Variants in GPC5 observed in about 807,000 individuals in gnomAD.
GPC5 encodes glypican-5.
GPC5 carries 47 observed loss-of-function variants against 53.9 expected under a neutral mutation model. That is an observed-to-expected ratio of 0.87 (90% CI 0.69 to 1.11). The LOEUF is 1.11. Among genes scored for constraint, GPC5 ranks in the 50% most tolerant of loss-of-function variants. The pLI is 0.00. For missense variants in GPC5, 748 were observed against 713.1 expected (o/e 1.05, Z -0.56); for synonymous variants, 286 against 263.3 (o/e 1.09, Z -0.84).
chr13:92,120,120 A>T (rs1313908254), intron 6 of GPC5, among the ~76,000 whole-genome samples: 2 of 152,238 alleles, frequency 1.3e-5, no homozygotes, highest in Non-Finnish European at 2.9e-5. Context: ...ATTACTCATA[A>T]GAGGGAAGTA....
intron 7 of GPC5, among the ~76,000 whole-genome samples, chr13:92,475,167 A>G (rs929296754): frequency 6.6e-6 from 1 of 151,792 alleles, no homozygotes; most frequent in Non-Finnish European, 1.5e-5. Flanking sequence ...TTGGCTTAGG[A>G]TTGACTTGGC....
chr13:92,074,566 G>A (rs2041237882), intron 6 of GPC5, among the ~76,000 whole-genome samples: 2 of 152,232 alleles, frequency 1.3e-5, no homozygotes, highest in East Asian at 1.9e-4. Flanking sequence ...GTCTAAAAGT[G>A]TATGTTTATG....
chr13:92,244,663 C>A (rs548249332), intron 7 of GPC5, among the ~76,000 whole-genome samples: 1 of 152,214 alleles, frequency 6.6e-6, no homozygotes, highest in Admixed American at 6.5e-5. Context: ...TCACACAATG[C>A]ATTTATACAT....
chr13:91,539,188 A>T (rs544910318), intron 2 of GPC5, among the ~76,000 whole-genome samples: 1 of 152,296 alleles, frequency 6.6e-6, no homozygotes, highest in East Asian at 1.9e-4. Flanking sequence ...TTGACATAAC[A>T]TGTTGAAAAG....
intron 6 of GPC5, among the ~76,000 whole-genome samples, chr13:92,102,368 G>T (rs1451276656): frequency 1.3e-5 from 2 of 152,136 alleles, no homozygotes; most frequent in Non-Finnish European, 2.9e-5. Flanking sequence ...CGTAGTCTTA[G>T]CAGACTGGCC....
intron 6 of GPC5, among the ~76,000 whole-genome samples, chr13:92,136,613 A>G (rs1261413838): frequency 6.6e-6 from 1 of 152,158 alleles, no homozygotes; most frequent in African/African-American, 2.4e-5. Flanking sequence ...CTTCTCATAT[A>G]TCTGTGTAAA....
intron 7 of GPC5, among the ~76,000 whole-genome samples, chr13:92,528,468 T>A (rs1219281578): frequency 6.6e-6 from 1 of 152,082 alleles, no homozygotes; most frequent in Non-Finnish European, 1.5e-5. Context: ...GTGTTCTTTT[T>A]TTATTATGGG....
At chr13:91,865,791 C>T (rs1009824470) in intron 5 of GPC5, among the ~76,000 whole-genome samples, 3 of 152,156 alleles carry the variant, frequency 2.0e-5, no homozygotes, top group African/African-American at 7.2e-5. Context: ...CCTACCTCCT[C>T]TTGTGACTTT....
At chr13:91,401,213 G>T (rs1037749202) in intron 1 of GPC5, among the ~76,000 whole-genome samples, 2 of 151,876 alleles carry the variant, frequency 1.3e-5, no homozygotes, top group African/African-American at 4.8e-5. Context: ...CTGAAGTTTT[G>T]TGTCTGTATT....
chr13:92,357,165 T>C (rs2043529421), intron 7 of GPC5, among the ~76,000 whole-genome samples: 1 of 151,768 alleles, frequency 6.6e-6, no homozygotes, highest in Non-Finnish European at 1.5e-5. Context: ...TTAATAGTAC[T>C]GCAAGGGACA....
At chr13:92,496,999 T>C (rs1025670705) in intron 7 of GPC5, among the ~76,000 whole-genome samples, 1 of 152,202 alleles carries the variant, frequency 6.6e-6, no homozygotes, top group African/African-American at 2.4e-5. Flanking sequence ...AGATTCTGGA[T>C]ATTAGACCTT....
At chr13:92,365,231 G>C (rs35887629) in intron 7 of GPC5, among the ~76,000 whole-genome samples, 1 of 151,808 alleles carries the variant, frequency 6.6e-6, no homozygotes, top group East Asian at 1.9e-4. Context: ...TGCATAGTAC[G>C]TTATTGTACT....
rs74926169 is a variant in GPC5, at chr13:92,046,369, A to G, written c.1402-98461A>G. 8.9e-4 allele frequency among the ~76,000 whole-genome samples: 136 copies of G among 152,318 alleles called. 3 individuals are homozygous for G. In the East Asian group the frequency reaches 0.024, roughly 27 times the overall value. ...TTATATTCTCCAAGCAAACTCCTCCATCCAAAGTCCTTACACTGAATGTTT... is the reference window on the plus strand; with the variant it reads ...TTATATTCTCCAAGCAAACTCCTCCGTCCAAAGTCCTTACACTGAATGTTT... On this transcript the variant is annotated intron_variant, in intron 6 of 7. Coordinates refer to ENST00000377067, the MANE Select transcript of GPC5 (RefSeq NM_004466.6).
At chr13:92,041,588 C>A (rs576385732) in intron 6 of GPC5, among the ~76,000 whole-genome samples, 1 of 152,168 alleles carries the variant, frequency 6.6e-6, no homozygotes, top group East Asian at 1.9e-4. Flanking sequence ...TGCCTGCCCC[C>A]CTAAAGCTGT....
chr13:91,553,722 C>T (rs758650322), intron 2 of GPC5, among the ~76,000 whole-genome samples: 3 of 152,058 alleles, frequency 2.0e-5, no homozygotes, highest in Non-Finnish European at 4.4e-5. Flanking sequence ...TTATGTATTT[C>T]TAATGTCACT....
chr13:92,300,930 CT>C (rs1241050809), intron 7 of GPC5, among the ~76,000 whole-genome samples: 1 of 152,160 alleles, frequency 6.6e-6, no homozygotes, highest in Non-Finnish European at 1.5e-5. Context: ...GATCCTGTTC[CT>C]TTTCATTGAA....
Position 91,528,446 on chromosome 13 carries a change from C to A in GPC5, c.325+79524C>A, listed in dbSNP as rs138851472. ...TTCTCAATAAGTTCCTCATCTCCAT[C>A]TGACACCACCTCAGCCTGGACTTCA... On this transcript the variant is annotated intron_variant, in intron 2 of 7. Coordinates refer to ENST00000377067, the MANE Select transcript of GPC5 (RefSeq NM_004466.6). Among the ~76,000 whole-genome samples, 431 of 152,322 alleles carry A rather than the reference C, an allele frequency of 2.8e-3. 10 individuals carry two copies. Among genetic ancestry groups the A allele is most frequent in the East Asian group, 0.024 (124 of 5,172 alleles).
intron 6 of GPC5, among the ~76,000 whole-genome samples, chr13:91,939,165 T>C (rs961987654): frequency 6.6e-6 from 1 of 152,098 alleles, no homozygotes; most frequent in Non-Finnish European, 1.5e-5. Flanking sequence ...GAAGTTTTAG[T>C]AATGCTATCA....
At chr13:92,768,570 C>A (rs1238052349) in intron 7 of GPC5, among the ~76,000 whole-genome samples, 4 of 152,086 alleles carry the variant, frequency 2.6e-5, no homozygotes, top group Non-Finnish European at 5.9e-5. Context: ...GTTCCTTTTA[C>A]CTGATTTCTC....
Sources: allele counts gnomAD v4.1 joint callset (sites outside exome capture counted in the v4.1 genomes callset), GRCh38; gene constraint gnomAD v4.1.1; transcripts MANE v1.5; gene names NCBI Gene and HGNC (gene_info 2026-07-23, HGNC 2026-07-21).